The following OBP2B variants were observed in gnomAD, a reference collection of about 807,000 sequenced individuals.
The protein encoded by OBP2B is odorant-binding protein 2b.
Under a neutral mutation model 21.7 loss-of-function variants are expected in OBP2B, and 10 were observed. The ratio of observed to expected loss-of-function variants is 0.46; its 90% confidence interval spans 0.28 to 0.78. The LOEUF is 0.78. Ranked by LOEUF, OBP2B falls within the 30% of genes least tolerant of loss-of-function variation. The pLI, the probability that OBP2B is intolerant of heterozygous loss-of-function variation, is 0.11. For synonymous variants in OBP2B, 73 were observed against 91.5 expected, an observed-to-expected ratio of 0.80 and a Z score of 1.16; for missense variants, 153 against 217.7, an observed-to-expected ratio of 0.70 and a Z score of 1.87.
the OBP2B span, among the ~76,000 whole-genome samples, chr9:133,215,682 C>T: frequency 6.6e-6 from 1 of 152,134 alleles, no homozygotes; most frequent in African/African-American, 2.4e-5. Flanking sequence ...CCATACCCAG[C>T]TACAGGCTAC....
upstream of OBP2B, among the ~76,000 whole-genome samples, chr9:133,211,854 G>T (rs1302640505): frequency 6.6e-6 from 1 of 152,090 alleles, no homozygotes; most frequent in Non-Finnish European, 1.5e-5. Flanking sequence ...ACAAACTCTA[G>T]CATGTTAATA....
At position 133,205,565 on chromosome 9, in the gene OBP2B, C is replaced by G. The variant is rs1463227327; in HGVS notation, c.*2-154G>C. 4.8e-6 allele frequency: 3 copies of G among 620,362 alleles called. No homozygotes were observed. In the East Asian group the frequency reaches 8.4e-5, roughly 17 times the overall value. The allele number at this position is 620,362 out of a possible 1,614,324, so 38.4% of individuals were successfully genotyped here. ...GACCTCAGCTCCTCCAATGACTGGG[C>G]AGGCCTCTGAGCATCCTTGGTGGGT... On this transcript the variant is annotated intron_variant, in intron 6 of 6. Coordinates refer to ENST00000372034, the MANE Select transcript of OBP2B (RefSeq NM_014581.4).
At chr9:133,218,883 A>G in the OBP2B span, among the ~76,000 whole-genome samples, 2 of 152,244 alleles carry the variant, frequency 1.3e-5, no homozygotes, top group African/African-American at 4.8e-5. Context: ...AGTGGTCCTC[A>G]AGACCATAGC....
At chr9:133,213,849 T>C (rs1279675793), upstream of OBP2B, among the ~76,000 whole-genome samples, 3 of 152,154 alleles carry the variant, frequency 2.0e-5, no homozygotes, top group Non-Finnish European at 4.4e-5. Context: ...CTACCAACCA[T>C]TTAAAAAATA....
At chr9:133,210,385 G>A (rs1331584116), upstream of OBP2B, among the ~76,000 whole-genome samples, 2 of 152,050 alleles carry the variant, frequency 1.3e-5, no homozygotes, top group African/African-American at 2.4e-5. Flanking sequence ...GGGCTGTAAC[G>A]AACGGGCTGG....
chr9:133,207,711 T>C, intron 3 of OBP2B: 1 of 585,412 alleles, frequency 1.7e-6, no homozygotes, highest in South Asian at 1.7e-5. Context: ...TCCTCATCCC[T>C]AACCCTCAGC....
upstream of OBP2B, among the ~76,000 whole-genome samples, chr9:133,210,734 G>A (rs1267374822): frequency 6.6e-6 from 1 of 152,166 alleles, no homozygotes; most frequent in African/African-American, 2.4e-5. Context: ...TCAGTGCGAC[G>A]GGTGCTCTCC....
At chr9:133,215,734 A>G in the OBP2B span, among the ~76,000 whole-genome samples, 6 of 152,254 alleles carry the variant, frequency 3.9e-5, no homozygotes, top group Admixed American at 3.9e-4. Flanking sequence ...GGACAGATGC[A>G]TAGATCAATG....
upstream of OBP2B, among the ~76,000 whole-genome samples, chr9:133,209,603 AC>A (rs1833867868): frequency 1.3e-5 from 2 of 152,064 alleles, no homozygotes; most frequent in South Asian, 4.2e-4. This position sits in a 1 kb window ranked among gnomAD's most constrained non-coding sequence, Gnocchi z 6.0. Flanking sequence ...CACGGCTGGG[AC>A]CCTGGGCAAG....
At chr9:133,221,433 T>C in the OBP2B span, among the ~76,000 whole-genome samples, 1 of 152,142 alleles carries the variant, frequency 6.6e-6, no homozygotes, top group Non-Finnish European at 1.5e-5. Context: ...AATGGGATAC[T>C]CTTGGGCACG....
chr9:133,206,400 G>T lies in OBP2B; in HGVS notation c.405C>A (p.Thr135=). Residue 135 remains threonine (T), a synonymous_variant, in exon 5 of 7, where the codon ACC becomes ACA. Transcript: ENST00000372034. ...TAAATTCTTCCAGGGCCTCCCGGTT[G>T]GTATCAGAATTCCTACCTGCAGGTG... The part of the protein sequence containing the change: ...MGKLVGRNSD[T]NREALEEFKK... 1.2e-6 allele frequency: 2 copies of T among 1,614,044 alleles called. No individual in the cohort carries two copies. The highest frequency in any genetic ancestry group is 1.7e-6 in the Non-Finnish European group (2 of 1,179,958).
upstream of OBP2B, among the ~76,000 whole-genome samples, chr9:133,213,475 A>G (rs2119410869): frequency 6.6e-6 from 1 of 152,322 alleles, no homozygotes; most frequent in South Asian, 2.1e-4. Context: ...TCGAAAGCAG[A>G]AAAACAACAG....
chr9:133,206,049 C>T (rs375861210), intron 5 of OBP2B, 109 bp from the exon 6 acceptor site: 56 of 1,141,934 alleles, frequency 4.9e-5, no homozygotes, highest in East Asian at 3.7e-4. Context: ...GCCCAGAGCG[C>T]GGAGCCCCAG....
the OBP2B span, among the ~76,000 whole-genome samples, chr9:133,221,443 G>A: frequency 3.4e-3 from 514 of 152,250 alleles, 4 homozygotes; most frequent in African/African-American, 0.012. Flanking sequence ...TCTTGGGCAC[G>A]GCATGAAGTG....
chr9:133,210,435 C>T (rs1474090454), upstream of OBP2B, among the ~76,000 whole-genome samples: 6 of 152,090 alleles, frequency 3.9e-5, no homozygotes, highest in East Asian at 3.9e-4. Context: ...CAAGTGCTGC[C>T]GAGCAGAAAC....
At chr9:133,207,704 T>C (rs1409581726) in intron 3 of OBP2B, 3 of 537,500 alleles carry the variant, frequency 5.6e-6, no homozygotes, top group Non-Finnish European at 6.6e-6. Flanking sequence ...CTCGGCCTCC[T>C]CATCCCTAAC....
chr9:133,206,419 GCAGGTGAGGTGGC>G lies in OBP2B; in HGVS notation c.389-16_389-4del, dbSNP rs1244389123. ...CCGGTTGGTATCAGAATTCCTACCT[GCAGGTGAGGTGGC>G]CAGGTGAGCCGACGTGGGGACAGCG... is the stretch of plus-strand genomic sequence containing the variant. On this transcript the variant is annotated splice_region_variant and splice_polypyrimidine_tract_variant and intron_variant, in intron 4 of 6. Transcript: ENST00000372034. 1.6e-5 allele frequency: 26 copies of G among 1,613,698 alleles called. No homozygotes were observed. Among genetic ancestry groups the G allele is most frequent in the Non-Finnish European group, 2.0e-5 (24 of 1,179,804 alleles).
chr9:133,218,214 T>C, the OBP2B span, among the ~76,000 whole-genome samples: 2 of 152,174 alleles, frequency 1.3e-5, no homozygotes, highest in East Asian at 1.9e-4. Context: ...AGTGCCAGCC[T>C]GGAGGTGGGA....
the OBP2B span, among the ~76,000 whole-genome samples, chr9:133,218,875 T>C: frequency 1.4e-4 from 22 of 152,030 alleles, no homozygotes; most frequent in Middle Eastern, 3.4e-3. Flanking sequence ...ACATGCAGAG[T>C]GGTCCTCAAG....
Sources: allele counts gnomAD v4.1 joint callset (sites outside exome capture counted in the v4.1 genomes callset), GRCh38; gene constraint gnomAD v4.1.1; non-coding constraint Gnocchi (gnomAD v3.1); transcripts MANE v1.5; gene names NCBI Gene and HGNC (gene_info 2026-07-23, HGNC 2026-07-21).